The following WNT16 variants were observed in gnomAD, a reference collection of about 807,000 sequenced individuals.
The protein encoded by WNT16 is protein Wnt-16.
A neutral mutation model predicts 35.4 loss-of-function variants in WNT16; 20 were observed. That is an observed-to-expected ratio of 0.56 (90% CI 0.40 to 0.82). The LOEUF is 0.82. Among genes scored for constraint, WNT16 ranks in the 40% least tolerant of loss-of-function variants. The probability of loss-of-function intolerance (pLI) is 0.00; values close to 1 mark genes in which losing one functional copy is unlikely to be tolerated. For missense variants in WNT16, 461 were observed against 466.0 expected, an observed-to-expected ratio of 0.99 and a Z score of 0.10; for synonymous variants, 180 against 179.2, an observed-to-expected ratio of 1.00 and a Z score of -0.03.
rs771899177 is a variant in WNT16, at chr7:121,331,824, T to TG, written c.500dup (p.Cys168LeufsTer4). ...CGGCTCAGCAAGTGAAGGCTGGCAC[T>TG]GGGGGGGCTGCTCCGATGATGTCCA... On this transcript the variant is annotated frameshift_variant, in exon 3 of 4. Transcript: ENST00000222462. LOFTEE classifies it high-confidence loss of function. 31 of 1,613,828 alleles carry TG rather than the reference T, an allele frequency of 1.9e-5. No individual in the cohort carries two copies. Among genetic ancestry groups the TG allele is most frequent in the South Asian group, 1.1e-5 (1 of 91,074 alleles).
rs1282818543 is a variant in WNT16 at position 121,329,283 on chromosome 7, T to C, written c.-10T>C. 2.6e-6 allele frequency: 4 copies of C among 1,553,550 alleles called. No homozygotes were observed. Among genetic ancestry groups the C allele is most frequent in the East Asian group, 2.4e-5 (1 of 42,532 alleles). On this transcript the variant is annotated 5_prime_UTR_variant, in exon 1 of 4. It removes an upstream start codon present in the reference 5' UTR. Coordinates refer to ENST00000222462, the MANE Select transcript of WNT16 (RefSeq NM_057168.2). ...GGAGCGGCTGGGCTGGGGGACTCCA[T>C]GCGGGGGCGATGGACAGGGCGGCGC...
upstream of WNT16, chr7:121,325,569 C>T: frequency 7.5e-7 from 1 of 1,326,898 alleles, no homozygotes; most frequent in East Asian, 2.4e-5. Flanking sequence ...GAACCATAGA[C>T]ACCAGTAAAA....
At chr7:121,332,337 G>T (rs1221421840) in intron 3 of WNT16, among the ~76,000 whole-genome samples, 4 of 151,780 alleles carry the variant, frequency 2.6e-5, no homozygotes, top group Non-Finnish European at 4.4e-5. Flanking sequence ...CCACAATTTT[G>T]GTTCTCTAAC....
intron 2 of WNT16, 35 bp downstream of exon 2, chr7:121,329,852 G>A (rs1161437894): frequency 3.8e-6 from 6 of 1,589,232 alleles, no homozygotes; most frequent in Admixed American, 3.4e-5. Flanking sequence ...GGTGGGGGAC[G>A]GAAGGCGACA....
chr7:121,330,179 G>A (rs529807079), intron 2 of WNT16, among the ~76,000 whole-genome samples: 4 of 152,354 alleles, frequency 2.6e-5, no homozygotes, highest in African/African-American at 7.2e-5. Context: ...GTCGGCAGCG[G>A]GGAATGCGGC....
upstream of WNT16, among the ~76,000 whole-genome samples, chr7:121,326,165 G>A (rs772628826): frequency 6.7e-6 from 1 of 149,982 alleles, no homozygotes; most frequent in Non-Finnish European, 1.5e-5. Context: ...TATCAATTTT[G>A]TATAGAGAAA....
intron 1 of WNT16, 33 bp downstream of exon 1, chr7:121,329,420 A>G: frequency 6.2e-7 from 1 of 1,601,902 alleles, no homozygotes; most frequent in Non-Finnish European, 8.5e-7. Context: ...AGCATCGGGT[A>G]GGTGGCAAAA....
At chr7:121,327,344 TA>T (rs1793260751), upstream of WNT16, among the ~76,000 whole-genome samples, 1 of 144,622 alleles carries the variant, frequency 6.9e-6, no homozygotes, top group South Asian at 2.2e-4. Flanking sequence ...TAATGCTATC[TA>T]ATCCTTTTTT....
chr7:121,338,842 T>C, intron 3 of WNT16, 39 bp from the exon 4 acceptor site: 1 of 1,562,326 alleles, frequency 6.4e-7, no homozygotes, highest in South Asian at 1.2e-5. Flanking sequence ...GTAAAACACT[T>C]TATGATTGAT....
upstream of WNT16, among the ~76,000 whole-genome samples, chr7:121,327,954 T>C (rs1793269993): frequency 6.6e-6 from 1 of 152,216 alleles, no homozygotes; most frequent in African/African-American, 2.4e-5. Flanking sequence ...AGTACCCTGC[T>C]AGATTCTTTA....
intron 3 of WNT16, among the ~76,000 whole-genome samples, chr7:121,335,986 T>TTGTGTGTGTG (rs36224614): frequency 2.8e-4 from 39 of 140,296 alleles, no homozygotes; most frequent in Non-Finnish European, 3.9e-4. Context: ...GAATTAAACT[T>TTGTGTGTGTG]TGTGTGTGTG....
rs1793292819 is a variant in WNT16, at chr7:121,329,174, C to A, written c.-119C>A. ...ACTGCTGGCCTTTTAATGTTGTATG[C>A]AAGGAGGAAGAGGGCGAGGGATAAC... On this transcript the variant is annotated 5_prime_UTR_variant, in exon 1 of 4. An upstream open reading frame in the 5' UTR gains an earlier in-frame stop. Transcript: ENST00000222462. 1 of 1,430,780 alleles carries A rather than the reference C, an allele frequency of 7.0e-7. No homozygotes were observed. Among genetic ancestry groups the A allele is most frequent in the Non-Finnish European group, 9.1e-7 (1 of 1,096,058 alleles). 88.6% of individuals were successfully genotyped at this position (1,430,780 alleles called of 1,614,324 possible). A position where few individuals can be genotyped will look rare whatever the true frequency, so the allele number is the denominator to read the frequency against.
rs184758645 is a variant in WNT16 at position 121,329,493 on chromosome 7, C to A, written c.96-74C>A. On this transcript the variant is annotated intron_variant, in intron 1 of 3. Coordinates refer to ENST00000222462, the MANE Select transcript of WNT16 (RefSeq NM_057168.2). ...GGGGAGAAGGGCGGGGACCCTTAGA[C>A]GAGTGACCTAATTTTTCGGAAAACA... 94 of 1,598,020 alleles carry A rather than the reference C, an allele frequency of 5.9e-5. No homozygotes were observed. The African/African-American group carries it at 1.1e-3, about 19-fold the overall frequency.
At position 121,330,847 on chromosome 7, in the gene WNT16, C is replaced by T. The variant is rs367965863; in HGVS notation, c.347-831C>T. ...GAAACTGTTTCTACTCCAAACTAAA[C>T]ATCTGGAAAGAAAAAAAAAAAGTCG... On this transcript the variant is annotated intron_variant, in intron 2 of 3. Transcript: ENST00000222462. Among the ~76,000 whole-genome samples, 398 of 143,208 alleles carry T rather than the reference C, an allele frequency of 2.8e-3. 1 individual carries two copies. The highest frequency in any genetic ancestry group is 0.011 in the Middle Eastern group (3 of 284). 94.0% of individuals were successfully genotyped at this position (143,208 alleles called of 152,430 possible).
chr7:121,331,045 C>T (rs1793337989), intron 2 of WNT16, among the ~76,000 whole-genome samples: 1 of 152,086 alleles, frequency 6.6e-6, no homozygotes, highest in East Asian at 1.9e-4. Context: ...CCTTTCATTG[C>T]CTTTAAGACT....
chr7:121,335,731 C>T (rs1053214091), intron 3 of WNT16, among the ~76,000 whole-genome samples: 2 of 151,934 alleles, frequency 1.3e-5, no homozygotes, highest in African/African-American at 2.4e-5. Context: ...CTTGCATTTT[C>T]CACTTTTATT....
intron 2 of WNT16, among the ~76,000 whole-genome samples, chr7:121,330,490 G>T (rs897476863): frequency 6.6e-6 from 1 of 152,210 alleles, no homozygotes; most frequent in African/African-American, 2.4e-5. Context: ...TAAGGATAAA[G>T]GTACAGGGAG....
chr7:121,330,718 A>AG (rs1793332082), intron 2 of WNT16, among the ~76,000 whole-genome samples: 1 of 115,280 alleles, frequency 8.7e-6, no homozygotes, highest in Admixed American at 8.5e-5. Flanking sequence ...TAGAGAGAAA[A>AG]AAAAAAAAAA....
Position 121,331,816 on chromosome 7 carries a change from G to T in WNT16, c.485G>T (p.Gly162Val), listed in dbSNP as rs1289891485. Residue 162 changes from glycine (G) to valine (V), a missense_variant, in exon 3 of 4, where the codon GGC (glycine) becomes GTC (valine). Gly to Val is a moderately radical substitution (Grantham distance 109). Coordinates refer to ENST00000222462, the MANE Select transcript of WNT16 (RefSeq NM_057168.2). ...TLQNGGSASE[G>V]WHWGGCSDDV... is the part of the protein sequence containing the mutation. Reference sequence around the variant, plus strand: ...CAGAACGGCGGCTCAGCAAGTGAAGGCTGGCACTGGGGGGGCTGCTCCGAT... The same window carrying T: ...CAGAACGGCGGCTCAGCAAGTGAAGTCTGGCACTGGGGGGGCTGCTCCGAT... 4.3e-6 allele frequency: 7 copies of T among 1,614,074 alleles called. No individual in the cohort carries two copies. The highest frequency in any genetic ancestry group is 1.6e-4 in the Middle Eastern group (1 of 6,084).
Sources: allele counts gnomAD v4.1 joint callset (sites outside exome capture counted in the v4.1 genomes callset), GRCh38; gene constraint gnomAD v4.1.1; transcripts MANE v1.5; gene names NCBI Gene and HGNC (gene_info 2026-07-23, HGNC 2026-07-21).